The following NR1H4 variants were observed in gnomAD, a reference collection of about 807,000 sequenced individuals.
NR1H4 encodes bile acid receptor.
A neutral mutation model predicts 58.5 loss-of-function variants in NR1H4; 23 were observed. The ratio of observed to expected loss-of-function variants is 0.39; its 90% CI spans 0.28 to 0.56. The LOEUF is 0.56. Among genes scored for constraint, NR1H4 ranks in the 20% least tolerant of loss-of-function variants. The pLI, the probability that NR1H4 is intolerant of heterozygous loss-of-function variation, is 0.58. For missense variants in NR1H4, 487 were observed against 576.9 expected, an observed-to-expected ratio of 0.84 and a Z score of 1.60; for synonymous variants, 214 against 198.0, an observed-to-expected ratio of 1.08 and a Z score of -0.68.
chr12:100,483,181 C>T (rs1340984048), intron 1 of NR1H4, among the ~76,000 whole-genome samples: 3 of 152,084 alleles, frequency 2.0e-5, no homozygotes, highest in Non-Finnish European at 2.9e-5. Flanking sequence ...CCACCTCAGC[C>T]TCCCAAAGTG....
At chr12:100,475,282 T>G (rs1256533482) in intron 1 of NR1H4, among the ~76,000 whole-genome samples, 1 of 152,154 alleles carries the variant, frequency 6.6e-6, no homozygotes, top group African/African-American at 2.4e-5. Context: ...TTGTGTTACG[T>G]TCCTACCCCC....
intron 1 of NR1H4, among the ~76,000 whole-genome samples, chr12:100,492,073 T>G (rs972961333): frequency 1.2e-4 from 19 of 152,214 alleles, no homozygotes; most frequent in African/African-American, 4.6e-4. Flanking sequence ...TTTATTTTCC[T>G]TTTGCCATTT....
chr12:100,478,905 C>T (rs913951035), intron 1 of NR1H4, among the ~76,000 whole-genome samples: 4 of 152,144 alleles, frequency 2.6e-5, no homozygotes, highest in South Asian at 2.1e-4. Flanking sequence ...TGAATATTAT[C>T]AAAGTTAAAA....
chr12:100,494,680 C>A (rs76175497), intron 3 of NR1H4, among the ~76,000 whole-genome samples: 4,698 of 152,308 alleles, frequency 0.031, 159 homozygotes, highest in East Asian at 0.15. Flanking sequence ...AGCCACTTGA[C>A]CATTTGCTTC....
At chr12:100,512,580 G>T (rs1260093361) in intron 4 of NR1H4, among the ~76,000 whole-genome samples, 1 of 151,798 alleles carries the variant, frequency 6.6e-6, no homozygotes, top group East Asian at 1.9e-4. Flanking sequence ...GGCAGAGGTT[G>T]CAGTGAGCCG....
At chr12:100,510,610 TA>T (rs1954082953) in intron 3 of NR1H4, among the ~76,000 whole-genome samples, 167 bp from the exon 4 acceptor site, 2 of 107,340 alleles carry the variant, frequency 1.9e-5, no homozygotes, top group Non-Finnish European at 3.4e-5. Context: ...TTTAATTTTA[TA>T]TATATATATA....
intron 9 of NR1H4, among the ~76,000 whole-genome samples, chr12:100,551,767 G>A (rs1360644325): frequency 1.3e-5 from 2 of 152,162 alleles, no homozygotes; most frequent in Non-Finnish European, 2.9e-5. Context: ...TATCCACAGA[G>A]GATTGGTTCT....
chr12:100,540,553 A>T (rs559976696), intron 8 of NR1H4, 119 bp from the exon 9 acceptor site: 2 of 1,102,578 alleles, frequency 1.8e-6, no homozygotes, highest in East Asian at 2.4e-5. Context: ...ACTCAACTAG[A>T]CTACCCAATT....
In NR1H4 at chr12:100,536,586, G is replaced by A; in HGVS notation, c.807G>A (p.Met269Ile). 1 of 1,585,478 alleles carries A rather than the reference G, an allele frequency of 6.3e-7. No homozygotes were observed. The highest frequency in any genetic ancestry group is 1.1e-5 in the South Asian group (1 of 90,442). The change falls in exon 7 of 11, where the codon ATG becomes ATA. Residue 269 changes from methionine (M) to isoleucine (I), a missense_variant. By Grantham distance (10) the Met-to-Ile change is conservative. Coordinates refer to ENST00000392986, the MANE Select transcript of NR1H4 (RefSeq NM_001206979.2). ...FIMDSYNKQR[M>I]PQEITNKILK... ...TGGATTCATATAACAAACAGAGGAT[G>A]CCTCAGGAAATAACAAATAAAATTG...
At chr12:100,506,593 C>T (rs990562630) in intron 3 of NR1H4, among the ~76,000 whole-genome samples, 1 of 152,160 alleles carries the variant, frequency 6.6e-6, no homozygotes, top group Non-Finnish European at 1.5e-5. Flanking sequence ...ACTGCAGGCT[C>T]CACCTCCCAG....
chr12:100,499,507 G>C (rs993645132), intron 3 of NR1H4, among the ~76,000 whole-genome samples: 1 of 152,200 alleles, frequency 6.6e-6, no homozygotes, highest in Non-Finnish European at 1.5e-5. Context: ...AAAGAAATGG[G>C]AGAAGGAAAG....
intron 1 of NR1H4, among the ~76,000 whole-genome samples, chr12:100,477,581 C>G (rs1393999203): frequency 6.6e-6 from 1 of 152,126 alleles, no homozygotes; most frequent in East Asian, 1.9e-4. Flanking sequence ...ACACAGTTAT[C>G]TGGAAAACAT....
intron 4 of NR1H4, among the ~76,000 whole-genome samples, chr12:100,519,876 G>A (rs1449058067): frequency 6.6e-6 from 1 of 152,158 alleles, no homozygotes; most frequent in East Asian, 1.9e-4. Context: ...ACTTGAATAA[G>A]TTTTATCTGG....
At chr12:100,529,759 TC>T (rs1484330961) in intron 4 of NR1H4, among the ~76,000 whole-genome samples, 2 of 152,204 alleles carry the variant, frequency 1.3e-5, no homozygotes, top group Non-Finnish European at 2.9e-5. Flanking sequence ...TCTTAATTAA[TC>T]AGGTTCACTC....
At chr12:100,507,829 T>G (rs1214197763) in intron 3 of NR1H4, among the ~76,000 whole-genome samples, 1 of 152,186 alleles carries the variant, frequency 6.6e-6, no homozygotes, top group Non-Finnish European at 1.5e-5. Flanking sequence ...AGATACTGTA[T>G]ACCATGTGTT....
intron 1 of NR1H4, among the ~76,000 whole-genome samples, chr12:100,485,198 C>A (rs769936057): frequency 3.9e-5 from 6 of 152,132 alleles, no homozygotes; most frequent in Non-Finnish European, 7.3e-5. Context: ...GGATCACAAG[C>A]TTTTTCTACA....
intron 8 of NR1H4, among the ~76,000 whole-genome samples, chr12:100,537,698 C>T (rs1954844714): frequency 6.6e-6 from 1 of 152,120 alleles, no homozygotes; most frequent in East Asian, 1.9e-4. Context: ...GTTGAGAGAT[C>T]TGCTTGTTTT....
chr12:100,487,595 C>CTTTTT (rs34694873), intron 1 of NR1H4, among the ~76,000 whole-genome samples: 22 of 115,972 alleles, frequency 1.9e-4, no homozygotes, highest in Non-Finnish European at 2.6e-4. Context: ...TCTTCTTCTT[C>CTTTTT]TTTTTTTTTT....
At chr12:100,511,619 TA>T (rs1308353597) in intron 4 of NR1H4, among the ~76,000 whole-genome samples, 1 of 151,574 alleles carries the variant, frequency 6.6e-6, no homozygotes, top group African/African-American at 2.4e-5. Flanking sequence ...AATAATAGCT[TA>T]TATTACAAAA....
Sources: allele counts gnomAD v4.1 joint callset (sites outside exome capture counted in the v4.1 genomes callset), GRCh38; gene constraint gnomAD v4.1.1; transcripts MANE v1.5; gene names NCBI Gene and HGNC (gene_info 2026-07-23, HGNC 2026-07-21).